OSBPL3: variants seen among roughly 807,000 people sequenced by gnomAD.
The protein encoded by OSBPL3 is oxysterol binding protein like 3, also known as oxysterol-binding protein-related protein 3.
Under a neutral mutation model 120.1 loss-of-function variants are expected in OSBPL3, and 65 were observed. That is an observed-to-expected ratio of 0.54 (90% CI 0.44 to 0.67). The LOEUF (loss-of-function observed/expected upper bound fraction) is 0.67, where lower values mean the gene tolerates loss of function less well. Among genes scored for constraint, OSBPL3 ranks in the 30% least tolerant of loss-of-function variants. The pLI, the probability that OSBPL3 is intolerant of heterozygous loss-of-function variation, is 0.00. For missense variants in OSBPL3, 1,004 were observed against 1,082.1 expected (o/e 0.93, Z 1.01); for synonymous variants, 416 against 402.6 (o/e 1.03, Z -0.40).
At chr7:24,845,440 TGTGTATGTGTGTGTG>T (rs1311424599) in intron 12 of OSBPL3, among the ~76,000 whole-genome samples, 4 of 122,516 alleles carry the variant, frequency 3.3e-5, no homozygotes, top group African/African-American at 1.6e-4. Flanking sequence ...TCTGTATTTG[TGTGTATGTGTGTGTG>T]TGTGTATGTG....
chr7:24,876,421 G>GT (rs11307992), intron 2 of OSBPL3, among the ~76,000 whole-genome samples: 58 of 148,328 alleles, frequency 3.9e-4, no homozygotes, highest in Middle Eastern at 3.5e-3. Context: ...AACTTCTAAG[G>GT]TTTTTTTTTT....
chr7:24,932,475 C>T lies in OSBPL3; in HGVS notation c.-149-39854G>A, dbSNP rs1427066446. 3.9e-5 allele frequency among the ~76,000 whole-genome samples: 6 copies of T among 152,084 alleles called. No individual in the cohort carries two copies. On this transcript the variant is annotated intron_variant, in intron 1 of 22. Transcript: ENST00000313367. The surrounding 1 kb of genome is among the most constrained non-coding windows in gnomAD (Gnocchi z 5.6). ...TCCCCCTGAAATTCATACATTAAAA[C>T]CTAGTCACCAATTTGATGGCATTGG...
rs990541137 is a variant in OSBPL3, at chr7:24,797,058, G to A, written c.*3125C>T. ...TTCTACTCATAACTAAAAGGTCTGC[G>A]GAGATTCTGTAGTAGCCAGAAGGCA... On this transcript the variant is annotated 3_prime_UTR_variant, in exon 23 of 23. Coordinates refer to ENST00000313367, the MANE Select transcript of OSBPL3 (RefSeq NM_015550.4). The surrounding 1 kb of genome is among the most constrained non-coding windows in gnomAD (Gnocchi z 4.8). 3.3e-5 allele frequency: 5 copies of A among 152,208 alleles called. No individual in the cohort carries two copies. In the South Asian group the frequency reaches 6.2e-4, roughly 19 times the overall value. The allele number at this position is 152,208 out of a possible 1,614,324, so 9.4% of individuals were successfully genotyped here. A position where few individuals can be genotyped will look rare whatever the true frequency, so the allele number is the denominator to read the frequency against.
intron 1 of OSBPL3, among the ~76,000 whole-genome samples, chr7:24,934,067 A>T (rs1413494881): frequency 6.6e-6 from 1 of 152,246 alleles, no homozygotes; most frequent in East Asian, 1.9e-4. Context: ...TCAAGCTTGT[A>T]ACTGATGGAA....
chr7:24,903,817 G>T (rs185156712), intron 1 of OSBPL3, among the ~76,000 whole-genome samples: 139 of 151,730 alleles, frequency 9.2e-4, no homozygotes, highest in Admixed American at 1.8e-3. Flanking sequence ...AGGACAGTGG[G>T]TTTTGCTGTA....
At chr7:24,829,996 A>C (rs1412729784) in intron 16 of OSBPL3, among the ~76,000 whole-genome samples, 2 of 152,220 alleles carry the variant, frequency 1.3e-5, no homozygotes, top group Non-Finnish European at 2.9e-5. Flanking sequence ...CGTGAGGTAC[A>C]TATAACTGTC....
At chr7:24,977,969 C>A (rs954363137) in intron 1 of OSBPL3, among the ~76,000 whole-genome samples, 3 of 152,242 alleles carry the variant, frequency 2.0e-5, no homozygotes, top group East Asian at 3.8e-4. Flanking sequence ...AACAGTAAAT[C>A]TTTTGGCTAA....
chr7:24,978,849 A>C (rs1425539511), intron 1 of OSBPL3, among the ~76,000 whole-genome samples: 1 of 152,240 alleles, frequency 6.6e-6, no homozygotes, highest in Non-Finnish European at 1.5e-5. Flanking sequence ...CTCAGCTCCA[A>C]GAGTCCCGAC....
chr7:24,859,685 T>C (rs1353795013), intron 10 of OSBPL3, among the ~76,000 whole-genome samples: 4 of 152,194 alleles, frequency 2.6e-5, no homozygotes, highest in African/African-American at 7.2e-5. Context: ...TGTTATTTTA[T>C]CTAAGTCTCA....
intron 1 of OSBPL3, among the ~76,000 whole-genome samples, chr7:24,909,890 T>G (rs1219167232): frequency 1.4e-5 from 2 of 143,498 alleles, no homozygotes; most frequent in Non-Finnish European, 3.0e-5. Flanking sequence ...CTGCAACCTC[T>G]GCCTCCCAGG....
At chr7:24,960,068 C>T (rs1214840147) in intron 1 of OSBPL3, among the ~76,000 whole-genome samples, 2 of 152,146 alleles carry the variant, frequency 1.3e-5, no homozygotes, top group Non-Finnish European at 1.5e-5. Flanking sequence ...TGTTGAACTA[C>T]TAAGAAAAAA....
In OSBPL3 at chr7:24,806,894, G is replaced by A. The variant is rs767560536; in HGVS notation, c.2326C>T (p.Pro776Ser). 1.2e-6 allele frequency: 2 copies of A among 1,607,828 alleles called. No homozygotes were observed. Among genetic ancestry groups the A allele is most frequent in the Non-Finnish European group, 1.7e-6 (2 of 1,177,028 alleles). Residue 776 changes from proline (P) to serine (S), a missense_variant, in exon 21 of 23, where the codon CCG (proline) becomes TCG (serine). Physicochemically the swap from Pro to Ser is moderately conservative, Grantham distance 74 (BLOSUM62 -1). This residue lies in a region of OSBPL3 where 473 missense variants were observed against 568.0 expected (regional missense o/e 0.83). Transcript: ENST00000313367. The surrounding 1 kb of genome is among the most constrained non-coding windows in gnomAD (Gnocchi z 5.2). ...SACVWRANPM[P>S]KGYEQYYSFT... ...CTATAGTATTGCTCGTAGCCTTTCG[G>A]CATAGGATCTAAGAAGAAAATAAAT...
rs1380122562 is a variant in OSBPL3 at position 24,939,747 on chromosome 7, G to T, written c.-150+40139C>A. 2.6e-5 allele frequency among the ~76,000 whole-genome samples: 4 copies of T among 152,150 alleles called. No homozygotes were observed. Among genetic ancestry groups the T allele is most frequent in the Non-Finnish European group, 5.9e-5 (4 of 68,040 alleles). On this transcript the variant is annotated intron_variant, in intron 1 of 22. Coordinates refer to ENST00000313367, the MANE Select transcript of OSBPL3 (RefSeq NM_015550.4). This position sits in a 1 kb window ranked among gnomAD's most constrained non-coding sequence, Gnocchi z 4.2. ...CCAAAATGTCATCAAGAGGCCTTGG[G>T]AGACAGTGAAGATTTAGAATGGAAT...
intron 16 of OSBPL3, among the ~76,000 whole-genome samples, chr7:24,823,612 A>C (rs1394434304): frequency 6.6e-6 from 1 of 152,192 alleles, no homozygotes; most frequent in Non-Finnish European, 1.5e-5. Flanking sequence ...CATTTAGAGA[A>C]AAAAAACTTT....
At position 24,851,566 on chromosome 7, in the gene OSBPL3, C is replaced by T. The variant is rs1799156423; in HGVS notation, c.1158+938G>A. Among the ~76,000 whole-genome samples, 1 of 152,166 alleles carries T rather than the reference C, an allele frequency of 6.6e-6. No homozygotes were observed. The highest frequency in any genetic ancestry group is 1.5e-5 in the Non-Finnish European group (1 of 68,026). The stretch of plus-strand genomic sequence containing the variant: ...GGTTACAAGATCCTAAAATTTATCT[C>T]CCCTACCTGACCTGAAATAGAAAAT... On this transcript the variant is annotated intron_variant, in intron 11 of 22. Coordinates refer to ENST00000313367, the MANE Select transcript of OSBPL3 (RefSeq NM_015550.4). This position sits in a 1 kb window ranked among gnomAD's most constrained non-coding sequence, Gnocchi z 4.1.
At chr7:24,857,590 A>C (rs1472992441) in intron 10 of OSBPL3, among the ~76,000 whole-genome samples, 2 of 152,224 alleles carry the variant, frequency 1.3e-5, no homozygotes, top group African/African-American at 4.8e-5. Context: ...TAATAAATGA[A>C]GTCAAATTTC....
intron 14 of OSBPL3, among the ~76,000 whole-genome samples, chr7:24,839,991 CAAAAAAAAAAAAAA>C (rs71675250): frequency 0.011 from 578 of 53,342 alleles, 12 homozygotes; most frequent in African/African-American, 0.043. Context: ...CTCCATCTCA[CAAAAAAAAAAAAAA>C]AAAAAAAAAA....
intron 1 of OSBPL3, among the ~76,000 whole-genome samples, chr7:24,911,001 C>T (rs867000612): frequency 3.9e-5 from 6 of 152,244 alleles, no homozygotes; most frequent in South Asian, 2.1e-4. Flanking sequence ...CATCCTGAGA[C>T]ACTCCCAGGT....
At position 24,827,991 on chromosome 7, in the gene OSBPL3, C is replaced by A. The variant is rs1218532229; in HGVS notation, c.1884+2777G>T. 6.6e-6 allele frequency among the ~76,000 whole-genome samples: 1 copy of A among 152,162 alleles called. No individual in the cohort carries two copies. The highest frequency in any genetic ancestry group is 2.4e-5 in the African/African-American group (1 of 41,436). On this transcript the variant is annotated intron_variant, in intron 16 of 22. Transcript: ENST00000313367. The surrounding 1 kb of genome is among the most constrained non-coding windows in gnomAD (Gnocchi z 5.1). ...TTCTTTCATCAAGTCATTCCTCAGC[C>A]TCCTCTCTGCCTTGTCAACACTCCT...
Sources: gnomAD v4.1 joint callset for allele counts (sites outside exome capture counted in the v4.1 genomes callset) on GRCh38, gnomAD v4.1.1 for gene constraint, gnomAD v4.1.1 regional missense constraint, Gnocchi (gnomAD v3.1) non-coding constraint, MANE v1.5 for transcripts, NCBI Gene and HGNC (gene_info 2026-07-23, HGNC 2026-07-21) for gene names.